Variants in RALGPS1 observed in about 807,000 individuals in gnomAD.
RALGPS1 encodes the protein Ral GEF with PH domain and SH3 binding motif 1.
Under a neutral mutation model 78.8 loss-of-function variants are expected in RALGPS1, and 19 were observed. The ratio of observed to expected loss-of-function variants is 0.24; its 90% CI spans 0.17 to 0.35. The LOEUF (loss-of-function observed/expected upper bound fraction) is 0.35, where lower values mean the gene tolerates loss of function less well. Among genes scored for constraint, RALGPS1 ranks in the 10% least tolerant of loss-of-function variants. RALGPS1 has a pLI of 1.00. For missense variants in RALGPS1, 454 were observed against 688.3 expected (o/e 0.66, Z 3.81); for synonymous variants, 228 against 256.3 (o/e 0.89, Z 1.06).
At chr9:127,038,378 G>T (rs2047031810) in intron 5 of RALGPS1, among the ~76,000 whole-genome samples, 1 of 152,156 alleles carries the variant, frequency 6.6e-6, no homozygotes, top group South Asian at 2.1e-4. Context: ...TACATAGCTG[G>T]TGAATTCCTC....
At chr9:127,028,050 A>C (rs2046106086) in intron 4 of RALGPS1, among the ~76,000 whole-genome samples, 1 of 152,176 alleles carries the variant, frequency 6.6e-6, no homozygotes, top group South Asian at 2.1e-4. Flanking sequence ...CTCCCTATGT[A>C]TCTGTAGACA....
intron 1 of RALGPS1, among the ~76,000 whole-genome samples, chr9:126,927,999 G>A (rs1025274006): frequency 1.1e-4 from 16 of 152,174 alleles, no homozygotes; most frequent in African/African-American, 3.9e-4. Context: ...TATTGTTGGG[G>A]TCTGAGAGTT....
At chr9:127,134,558 C>T (rs1039432153) in intron 8 of RALGPS1, among the ~76,000 whole-genome samples, 1 of 152,208 alleles carries the variant, frequency 6.6e-6, no homozygotes, top group African/African-American at 2.4e-5. Context: ...CATCATGCCT[C>T]ACCATAGGTA....
At chr9:127,134,247 C>T (rs370712751) in intron 8 of RALGPS1, among the ~76,000 whole-genome samples, 1 of 152,054 alleles carries the variant, frequency 6.6e-6, no homozygotes, top group Non-Finnish European at 1.5e-5. Context: ...ATCTGTATTC[C>T]GAACACCTCT....
In RALGPS1 at chr9:127,046,147, A is replaced by G. The variant is rs77890652; in HGVS notation, c.301-3896A>G. Among the ~76,000 whole-genome samples, 897 of 152,372 alleles carry G rather than the reference A, an allele frequency of 5.9e-3. 28 individuals are homozygous for G. The East Asian group carries it at 0.087, about 15-fold the overall frequency. ...ATAATAGTATTGGATTGTAACCCAA[A>G]GTATAAAATAAATATCCACAAATCT... On this transcript the variant is annotated intron_variant, in intron 5 of 18. Transcript: ENST00000259351.
In RALGPS1 at chr9:127,221,708, A is replaced by G. The variant is rs1183565923; in HGVS notation, c.*2939A>G. ...AGAGATTCTGTTTAGGAAGAAACTC[A>G]CTCTCTTTTGCCAGTTGAATTTATA... On this transcript the variant is annotated 3_prime_UTR_variant, in exon 19 of 19. Transcript: ENST00000259351. 1 of 152,112 alleles carries G rather than the reference A, an allele frequency of 6.6e-6. No individual in the cohort carries two copies. The highest frequency in any genetic ancestry group is 2.4e-5 in the African/African-American group (1 of 41,400). 9.4% of individuals were successfully genotyped at this position (152,112 alleles called of 1,614,324 possible).
chr9:126,982,351 G>C (rs2041321561), intron 4 of RALGPS1, among the ~76,000 whole-genome samples: 1 of 152,180 alleles, frequency 6.6e-6, no homozygotes, highest in Non-Finnish European at 1.5e-5. Context: ...CCCCAGCTAT[G>C]TGACCTTGGG....
chr9:127,092,553 C>T (rs1312673905), intron 8 of RALGPS1, among the ~76,000 whole-genome samples: 3 of 151,960 alleles, frequency 2.0e-5, no homozygotes, highest in Non-Finnish European at 2.9e-5. Context: ...TAGTATTGAG[C>T]GCTTGTGATG....
intron 4 of RALGPS1, among the ~76,000 whole-genome samples, chr9:126,995,960 A>G (rs1731037066): frequency 2.0e-5 from 3 of 152,206 alleles, no homozygotes; most frequent in Non-Finnish European, 2.9e-5. Context: ...GAAGGCAGAA[A>G]TAAAGATGTT....
At chr9:127,034,339 C>G (rs1026332115) in intron 4 of RALGPS1, 92 bp from the exon 5 acceptor site, 1 of 1,160,916 alleles carries the variant, frequency 8.6e-7, no homozygotes, top group Non-Finnish European at 1.3e-6. Flanking sequence ...CCCTTTCCCA[C>G]CTTCATGCAT....
intron 8 of RALGPS1, among the ~76,000 whole-genome samples, chr9:127,155,637 G>A (rs1447435057): frequency 2.0e-5 from 3 of 152,140 alleles, no homozygotes; most frequent in East Asian, 1.9e-4. Flanking sequence ...GTAGGTGAGG[G>A]GCATGGTCTA....
At chr9:126,995,572 A>C (rs62580791) in intron 4 of RALGPS1, among the ~76,000 whole-genome samples, 58,141 of 151,736 alleles carry the variant, frequency 0.38, 12,874 homozygotes, top group Non-Finnish European at 0.48. Flanking sequence ...ACTCCCACAC[A>C]ATAATAATGG....
Position 127,168,662 on chromosome 9 carries a change from T to C in RALGPS1, c.749-17T>C, listed in dbSNP as rs764227030. 3.2e-6 allele frequency: 5 copies of C among 1,571,092 alleles called. No homozygotes were observed. The highest frequency in any genetic ancestry group is 2.2e-5 in the East Asian group (1 of 44,682). ...TGGGAGAGCCTAAAGTTTCTGGATG[T>C]GGTCCACCTTTTGCAGATCACCTCA... On this transcript the variant is annotated splice_polypyrimidine_tract_variant and intron_variant, in intron 9 of 18. Coordinates refer to ENST00000259351, the MANE Select transcript of RALGPS1 (RefSeq NM_014636.3).
chr9:127,183,941 C>T lies in RALGPS1; in HGVS notation c.910+9159C>T. 1 of 1,550,484 alleles carries T rather than the reference C, an allele frequency of 6.4e-7. No individual in the cohort carries two copies. The highest frequency in any genetic ancestry group is 8.7e-7 in the Non-Finnish European group (1 of 1,147,002). On this transcript the variant is annotated intron_variant, in intron 11 of 18. Coordinates refer to ENST00000259351, the MANE Select transcript of RALGPS1 (RefSeq NM_014636.3). This position sits in a 1 kb window ranked among gnomAD's most constrained non-coding sequence, Gnocchi z 4.0. The stretch of plus-strand genomic sequence containing the variant: ...ACTCAAACCCACCTCTGGCCAACAC[C>T]CTGCCTGGATGTGGCCCAGCTCCTC...
intron 11 of RALGPS1, among the ~76,000 whole-genome samples, chr9:127,186,130 G>A (rs981741008): frequency 6.6e-6 from 1 of 152,190 alleles, no homozygotes; most frequent in Non-Finnish European, 1.5e-5. Flanking sequence ...GGTCTGTTGG[G>A]CAGCCTGTTG....
rs191146285 is a variant in RALGPS1 at position 127,015,075 on chromosome 9, C to T, written c.217-19356C>T. Among the ~76,000 whole-genome samples, 396 of 152,284 alleles carry T rather than the reference C, an allele frequency of 2.6e-3. 1 individual carries two copies. The highest frequency in any genetic ancestry group is 4.0e-3 in the Non-Finnish European group (271 of 68,016). The stretch of plus-strand genomic sequence containing the variant: ...ACATGCAGTAACTTATAGTTCTCTT[C>T]CTTCCCTGTCTTTTTGTTCCTTTTA... On this transcript the variant is annotated intron_variant, in intron 4 of 18. Coordinates refer to ENST00000259351, the MANE Select transcript of RALGPS1 (RefSeq NM_014636.3).
At chr9:127,053,834 G>T (rs1007231820) in intron 7 of RALGPS1, among the ~76,000 whole-genome samples, 2 of 152,216 alleles carry the variant, frequency 1.3e-5, no homozygotes, top group African/African-American at 4.8e-5. Context: ...TGTTTCCATA[G>T]ATCTAGTCCT....
chr9:126,916,600 G>A (rs1056310566), intron 1 of RALGPS1, among the ~76,000 whole-genome samples: 2 of 152,162 alleles, frequency 1.3e-5, no homozygotes, highest in African/African-American at 4.8e-5. Context: ...GGCCAACATG[G>A]TGAAACCCCC....
chr9:127,110,034 A>C (rs1194871696), intron 8 of RALGPS1, among the ~76,000 whole-genome samples: 1 of 152,006 alleles, frequency 6.6e-6, no homozygotes, highest in African/African-American at 2.4e-5. Flanking sequence ...TTTTTCTCTC[A>C]ACTTAAAACC....
Sources: gnomAD v4.1 joint callset for allele counts (sites outside exome capture counted in the v4.1 genomes callset) on GRCh38, gnomAD v4.1.1 for gene constraint, Gnocchi (gnomAD v3.1) non-coding constraint, MANE v1.5 for transcripts, NCBI Gene and HGNC (gene_info 2026-07-23, HGNC 2026-07-21) for gene names.